Variants in SMIM36 observed in about 807,000 individuals in gnomAD.
SMIM36 encodes the protein small integral membrane protein 36.
intron 3 of SMIM36, among the ~76,000 whole-genome samples, chr17:55,474,705 C>T (rs930513495): frequency 1.1e-4 from 16 of 152,124 alleles, no homozygotes; most frequent in African/African-American, 3.4e-4. Flanking sequence ...TGAAACAGTG[C>T]GTGTGTGCCC....
chr17:55,455,918 G>C (rs1177615382), intron 4 of SMIM36, among the ~76,000 whole-genome samples: 1 of 151,914 alleles, frequency 6.6e-6, no homozygotes, highest in Non-Finnish European at 1.5e-5. Context: ...AAGAGTTTGA[G>C]ACCAGCCTGG....
the SMIM36 span, chr17:55,527,587 G>A: frequency 6.6e-6 from 1 of 152,108 alleles, no homozygotes; most frequent in African/African-American, 2.4e-5. Context: ...GTTTGCATGA[G>A]GGTGACACTA....
At chr17:55,462,978 C>G (rs1909171637) in intron 4 of SMIM36, among the ~76,000 whole-genome samples, 1 of 152,108 alleles carries the variant, frequency 6.6e-6, no homozygotes, top group African/African-American at 2.4e-5. Context: ...GATATCTAAG[C>G]TGGGGATTTA....
chr17:55,520,274 A>C, the SMIM36 span, among the ~76,000 whole-genome samples: 1 of 152,138 alleles, frequency 6.6e-6, no homozygotes, highest in Non-Finnish European at 1.5e-5. Context: ...GAATCTCTTC[A>C]TCTCAAGTAT....
chr17:55,487,955 G>A (rs1447394899), intron 1 of SMIM36, among the ~76,000 whole-genome samples: 1 of 151,918 alleles, frequency 6.6e-6, no homozygotes, highest in African/African-American at 2.4e-5. Flanking sequence ...TGCTAGCTGA[G>A]TCTGATGGGA....
chr17:55,493,667 G>A (rs118056591), intron 1 of SMIM36, among the ~76,000 whole-genome samples: 12,052 of 151,832 alleles, frequency 0.079, 794 homozygotes, highest in East Asian at 0.25. Flanking sequence ...AAAATTAGCC[G>A]GGTGTGATGG....
chr17:55,512,484 A>T (rs1337763924), upstream of SMIM36, among the ~76,000 whole-genome samples: 5 of 152,242 alleles, frequency 3.3e-5, no homozygotes, highest in African/African-American at 1.2e-4. Flanking sequence ...TGCCTCAAGG[A>T]TGCAGAAAAA....
chr17:55,461,868 G>A (rs1242261239), intron 4 of SMIM36, among the ~76,000 whole-genome samples: 1 of 152,200 alleles, frequency 6.6e-6, no homozygotes, highest in East Asian at 1.9e-4. Flanking sequence ...ATTCTGTAAT[G>A]TGGTTAGTCA....
intron 1 of SMIM36, among the ~76,000 whole-genome samples, chr17:55,484,383 C>A (rs1387173134): frequency 6.6e-6 from 1 of 152,172 alleles, no homozygotes; most frequent in Non-Finnish European, 1.5e-5. Context: ...TGTTTTCTAA[C>A]ATCGAATGTA....
rs55879501 is a variant in SMIM36 at position 55,508,431 on chromosome 17, A to AATATATATATATATATATAT, written c.*174+2428_*174+2447dup. Among the ~76,000 whole-genome samples the AATATATATATATATATATAT allele has an allele frequency of 9.8e-4, 112 of 114,290 alleles. 8 individuals are homozygous for AATATATATATATATATATAT. Among genetic ancestry groups the AATATATATATATATATATAT allele is most frequent in the African/African-American group, 2.7e-3 (76 of 28,358 alleles). 75.0% of individuals were successfully genotyped at this position (114,290 alleles called of 152,430 possible). A position where few individuals can be genotyped will look rare whatever the true frequency, so the allele number is the denominator to read the frequency against. On this transcript the variant is annotated intron_variant, in intron 1 of 4. Transcript: ENST00000636752. ...CATATTTTATATATATATTCCTAGG[A>AATATATATATATATATATAT]ATATATATATATATATATATATATA...
intron 3 of SMIM36, among the ~76,000 whole-genome samples, chr17:55,469,957 G>A (rs1308123800): frequency 2.7e-5 from 4 of 150,930 alleles, no homozygotes; most frequent in African/African-American, 9.8e-5. Flanking sequence ...ACTCCAGCCT[G>A]GGCGACTGGA....
intron 3 of SMIM36, among the ~76,000 whole-genome samples, chr17:55,473,795 C>T (rs1462911372): frequency 1.3e-5 from 2 of 152,062 alleles, no homozygotes; most frequent in Non-Finnish European, 2.9e-5. Context: ...CCAGATAAGG[C>T]GGGAGACCAC....
intron 4 of SMIM36, among the ~76,000 whole-genome samples, chr17:55,460,456 A>AC (rs1373247758): frequency 6.9e-6 from 1 of 145,782 alleles, no homozygotes; most frequent in Non-Finnish European, 1.5e-5. Flanking sequence ...ACAAAACAAA[A>AC]AAAAAGAACA....
At chr17:55,461,855 T>A (rs933218485) in intron 4 of SMIM36, among the ~76,000 whole-genome samples, 1 of 152,188 alleles carries the variant, frequency 6.6e-6, no homozygotes, top group African/African-American at 2.4e-5. Context: ...CATACTGTTT[T>A]TGATTCTGTA....
the SMIM36 span, among the ~76,000 whole-genome samples, chr17:55,522,252 C>T: frequency 6.6e-5 from 10 of 152,208 alleles, no homozygotes; most frequent in East Asian, 1.9e-4. Context: ...TGTTCTCCTC[C>T]GATTATCTGC....
At chr17:55,521,295 G>A in the SMIM36 span, among the ~76,000 whole-genome samples, 15 of 152,328 alleles carry the variant, frequency 9.8e-5, no homozygotes, top group African/African-American at 3.4e-4. Flanking sequence ...TTTGTAGCTT[G>A]CTTTTGAAAG....
intron 4 of SMIM36, among the ~76,000 whole-genome samples, chr17:55,459,818 A>C (rs930391955): frequency 9.9e-5 from 15 of 152,138 alleles, no homozygotes; most frequent in Admixed American, 9.8e-4. Context: ...GCAGTATGGC[A>C]AGACCCTGTC....
intron 1 of SMIM36, among the ~76,000 whole-genome samples, chr17:55,479,880 T>G (rs1009710716): frequency 2.0e-5 from 3 of 152,232 alleles, no homozygotes; most frequent in Non-Finnish European, 4.4e-5. Flanking sequence ...AGAAGACAGA[T>G]GTGCCTTCAA....
chr17:55,468,533 T>C (rs1177961416), intron 3 of SMIM36: 5 of 152,966 alleles, frequency 3.3e-5, no homozygotes, highest in African/African-American at 7.2e-5. Flanking sequence ...TTCACCCACA[T>C]TTCACTGGTG....
Sources: allele counts gnomAD v4.1 joint callset (sites outside exome capture counted in the v4.1 genomes callset), GRCh38; gene constraint gnomAD v4.1.1; transcripts MANE v1.5; gene names NCBI Gene and HGNC (gene_info 2026-07-23, HGNC 2026-07-21).